APCDD1L: variants seen among roughly 807,000 people sequenced by gnomAD.
APCDD1L encodes the protein protein APCDD1-like.
Under a neutral mutation model 24.2 loss-of-function variants are expected in APCDD1L, and 21 were observed. The observed-to-expected ratio is 0.87, with a 90% confidence interval of 0.61 to 1.25. The LOEUF is 1.25. APCDD1L is among the 50% of genes most tolerant of loss of function. The pLI is 0.00. For synonymous variants in APCDD1L, 321 were observed against 323.6 expected, an observed-to-expected ratio of 0.99 and a Z score of 0.09; for missense variants, 704 against 711.7, an observed-to-expected ratio of 0.99 and a Z score of 0.12.
chr20:58,462,268 G>A (rs1279672083), intron 3 of APCDD1L, among the ~76,000 whole-genome samples: 1 of 152,026 alleles, frequency 6.6e-6, no homozygotes, highest in Non-Finnish European at 1.5e-5. Context: ...GCACTTCCTG[G>A]GCAACTGGTA....
At chr20:58,506,332 G>C (rs151047128) in intron 1 of APCDD1L, among the ~76,000 whole-genome samples, 1 of 152,180 alleles carries the variant, frequency 6.6e-6, no homozygotes, top group Non-Finnish European at 1.5e-5. Flanking sequence ...TGATATCCCA[G>C]AAGGAGAAGG....
At chr20:58,500,296 T>C (rs1568751482) in intron 1 of APCDD1L, among the ~76,000 whole-genome samples, 1 of 152,188 alleles carries the variant, frequency 6.6e-6, no homozygotes, top group Non-Finnish European at 1.5e-5. Context: ...CTGTAAGATG[T>C]TCCCATCTGT....
chr20:58,513,424 G>A (rs1276631949), intron 1 of APCDD1L, among the ~76,000 whole-genome samples: 2 of 152,092 alleles, frequency 1.3e-5, no homozygotes, highest in South Asian at 2.1e-4. Flanking sequence ...TGTCCCTTTC[G>A]ACAGGTGAAT....
intron 1 of APCDD1L, among the ~76,000 whole-genome samples, chr20:58,501,849 G>T (rs1990442948): frequency 6.6e-6 from 1 of 152,124 alleles, no homozygotes; most frequent in Non-Finnish European, 1.5e-5. Flanking sequence ...CCTCTTCATG[G>T]CCTGCTCATC....
intron 1 of APCDD1L, among the ~76,000 whole-genome samples, chr20:58,502,879 C>T (rs548449045): frequency 3.3e-5 from 5 of 152,218 alleles, no homozygotes; most frequent in South Asian, 2.1e-4. Flanking sequence ...AATTATTCCA[C>T]GTTCTTGTTG....
chr20:58,505,418 AT>A (rs906154313), intron 1 of APCDD1L, among the ~76,000 whole-genome samples: 8 of 151,830 alleles, frequency 5.3e-5, no homozygotes, highest in Admixed American at 1.3e-4. Context: ...ATGTCAGTCC[AT>A]TTTTTTTGGA....
At chr20:58,505,975 G>A (rs529959253) in intron 1 of APCDD1L, among the ~76,000 whole-genome samples, 22 of 152,276 alleles carry the variant, frequency 1.4e-4, no homozygotes, top group Non-Finnish European at 2.5e-4. Context: ...AGCTGGAAGA[G>A]GCAAAGAAGA....
At chr20:58,500,085 C>G (rs1054963168) in intron 1 of APCDD1L, among the ~76,000 whole-genome samples, 4 of 152,192 alleles carry the variant, frequency 2.6e-5, no homozygotes, top group African/African-American at 9.7e-5. Flanking sequence ...CTACACTGAA[C>G]GGCATAAGGT....
In APCDD1L at chr20:58,461,208, A is replaced by T; in HGVS notation, c.1088T>A (p.Met363Lys). The change falls in exon 4 of 4, where the codon ATG becomes AAG. Residue 363 changes from methionine (M) to lysine (K), a missense_variant. Transcript: ENST00000371149. The surrounding 1 kb of genome is among the most constrained non-coding windows in gnomAD (Gnocchi z 6.0). ...FEVTRAHVTP[M>K]DQVTTAMLNF... The stretch of plus-strand genomic sequence containing the variant: ...GAGCATGGCCGTGGTGACCTGGTCC[A>T]TGGGGGTCACATGGGCCCGTGTGAC... The T allele has an allele frequency of 6.2e-7, 1 of 1,613,620 alleles. No homozygotes were observed. Among genetic ancestry groups the T allele is most frequent in the Non-Finnish European group, 8.5e-7 (1 of 1,179,866 alleles).
intron 1 of APCDD1L, among the ~76,000 whole-genome samples, chr20:58,485,855 G>T (rs1343003993): frequency 1.3e-5 from 2 of 152,178 alleles, no homozygotes; most frequent in Non-Finnish European, 2.9e-5. Flanking sequence ...TGAGCTTAAG[G>T]GGGGCCTGCC....
At chr20:58,479,001 C>A (rs1040393378) in intron 1 of APCDD1L, among the ~76,000 whole-genome samples, 1 of 152,066 alleles carries the variant, frequency 6.6e-6, no homozygotes, top group Non-Finnish European at 1.5e-5. Context: ...TTTAAAGCCT[C>A]TTTTCACCCT....
intron 1 of APCDD1L, among the ~76,000 whole-genome samples, chr20:58,513,574 G>A (rs1990674838): frequency 6.6e-6 from 1 of 152,190 alleles, no homozygotes; most frequent in Non-Finnish European, 1.5e-5. Flanking sequence ...AGGTGACTTA[G>A]ACTTTGCTCC....
chr20:58,467,239 C>T lies in APCDD1L; in HGVS notation c.608G>A (p.Arg203His). ...MHELSLVRVQ[R>H]RLQPQPRASP... ...CGCCCGGGGCTGCGGCTGCAGGCGG[C>T]GCTGCACGCGGACCAGGCTGAGCTC... The change falls in exon 3 of 4, where the codon CGC (arginine) becomes CAC (histidine). Residue 203 changes from arginine (R) to histidine (H), a missense_variant. Coordinates refer to ENST00000371149, the MANE Select transcript of APCDD1L (RefSeq NM_153360.3). This position sits in a 1 kb window ranked among gnomAD's most constrained non-coding sequence, Gnocchi z 5.9. The T allele has an allele frequency of 6.3e-7, 1 of 1,591,874 alleles. No homozygotes were observed. Among genetic ancestry groups the T allele is most frequent in the East Asian group, 2.3e-5 (1 of 44,236 alleles).
In APCDD1L at chr20:58,494,591, G is replaced by A. The variant is rs534734256; in HGVS notation, c.49+20068C>T. Among the ~76,000 whole-genome samples, 10 of 151,978 alleles carry A rather than the reference G, an allele frequency of 6.6e-5. 1 individual carries two copies. The East Asian group carries it at 7.8e-4, about 12-fold the overall frequency. On this transcript the variant is annotated intron_variant, in intron 1 of 3. Transcript: ENST00000371149. The surrounding 1 kb of genome is among the most constrained non-coding windows in gnomAD (Gnocchi z 4.8). Reference sequence around the variant, plus strand: ...CTGGGCTCAGTGATCCTCTTGCCTCGGCCTCCCAAAGCGTTGGGATTATAG... The same window carrying A: ...CTGGGCTCAGTGATCCTCTTGCCTCAGCCTCCCAAAGCGTTGGGATTATAG...
chr20:58,480,500 G>T (rs772316410), intron 1 of APCDD1L, among the ~76,000 whole-genome samples: 2 of 152,224 alleles, frequency 1.3e-5, no homozygotes, highest in Non-Finnish European at 2.9e-5. Context: ...GGTGGGCCTT[G>T]CTTGGTACCA....
chr20:58,467,477 CGGTGGCTCCCCG>C lies in APCDD1L; in HGVS notation c.358_369del (p.Arg120_Thr123del). 6.3e-7 allele frequency: 1 copy of C among 1,598,396 alleles called. No individual in the cohort carries two copies. The highest frequency in any genetic ancestry group is 1.3e-5 in the African/African-American group (1 of 74,316). On this transcript the variant is annotated inframe_deletion, in exon 3 of 4. Coordinates refer to ENST00000371149, the MANE Select transcript of APCDD1L (RefSeq NM_153360.3). This position sits in a 1 kb window ranked among gnomAD's most constrained non-coding sequence, Gnocchi z 5.9. ...ACCTTGTGCAGGTGGTAGTCGGCCT[CGGTGGCTCCCCG>C]GGTGACCCAGGAGGCCCGGCGCAGG...
chr20:58,461,027 T>C lies in APCDD1L; in HGVS notation c.1269A>G (p.Gln423=). The C allele has an allele frequency of 6.2e-7, 1 of 1,614,068 alleles. No individual in the cohort carries two copies. The highest frequency in any genetic ancestry group is 8.5e-7 in the Non-Finnish European group (1 of 1,179,984). ...LFKMEQDPLG[Q]SLLFIGQRPT... Reference sequence around the variant, plus strand: ...GCCTTTGTCCGATGAAGAGCAGGCTTTGCCCGAGGGGGTCTTGTTCCATCT... The same window carrying C: ...GCCTTTGTCCGATGAAGAGCAGGCTCTGCCCGAGGGGGTCTTGTTCCATCT... The change falls in exon 4 of 4, where the codon CAA becomes CAG. Residue 423 remains glutamine (Q), a synonymous_variant. Transcript: ENST00000371149. This position sits in a 1 kb window ranked among gnomAD's most constrained non-coding sequence, Gnocchi z 6.0.
At chr20:58,471,386 C>A (rs1568737548) in intron 1 of APCDD1L, among the ~76,000 whole-genome samples, 1 of 152,256 alleles carries the variant, frequency 6.6e-6, no homozygotes, top group Non-Finnish European at 1.5e-5. Flanking sequence ...GCTGCAGAGG[C>A]CCGGGCCGAG....
At chr20:58,483,596 G>A (rs1224301987) in intron 1 of APCDD1L, among the ~76,000 whole-genome samples, 1 of 152,220 alleles carries the variant, frequency 6.6e-6, no homozygotes, top group Non-Finnish European at 1.5e-5. Context: ...GATGTGGAGA[G>A]AAATGTTGAC....
Sources: allele counts gnomAD v4.1 joint callset (sites outside exome capture counted in the v4.1 genomes callset), GRCh38; gene constraint gnomAD v4.1.1; non-coding constraint Gnocchi (gnomAD v3.1); transcripts MANE v1.5; gene names NCBI Gene and HGNC (gene_info 2026-07-23, HGNC 2026-07-21).